The following PLXDC2 variants were observed in gnomAD, a reference collection of about 807,000 sequenced individuals.
The protein encoded by PLXDC2 is plexin domain containing 2, also known as plexin domain-containing protein 2.
A neutral mutation model predicts 68.9 loss-of-function variants in PLXDC2; 40 were observed. That is an observed-to-expected ratio of 0.58 (90% CI 0.45 to 0.76). The LOEUF (loss-of-function observed/expected upper bound fraction) is 0.76. Ranked by LOEUF, PLXDC2 falls within the 30% of genes least tolerant of loss-of-function variation. The pLI is 0.00. For missense variants in PLXDC2, 644 were observed against 661.9 expected, an observed-to-expected ratio of 0.97 and a Z score of 0.30; for synonymous variants, 243 against 234.2, an observed-to-expected ratio of 1.04 and a Z score of -0.34.
At chr10:19,865,320 T>G (rs10508599) in intron 1 of PLXDC2, among the ~76,000 whole-genome samples, 44,409 of 152,102 alleles carry the variant, frequency 0.29, 6,712 homozygotes, top group Middle Eastern at 0.48. Flanking sequence ...CATATTGAGC[T>G]TAAGAGTTCA....
intron 6 of PLXDC2, among the ~76,000 whole-genome samples, chr10:20,160,368 C>G (rs1422642307): frequency 1.3e-5 from 2 of 152,096 alleles, no homozygotes; most frequent in African/African-American, 2.4e-5. Context: ...TAAAGCATAA[C>G]TCTTGACTAC....
At chr10:19,938,211 G>A (rs1305198836) in intron 1 of PLXDC2, among the ~76,000 whole-genome samples, 1 of 152,142 alleles carries the variant, frequency 6.6e-6, no homozygotes, top group Non-Finnish European at 1.5e-5. Flanking sequence ...TCAAGCATAA[G>A]CATTCAGTGG....
intron 3 of PLXDC2, among the ~76,000 whole-genome samples, chr10:20,050,048 A>G (rs1835864767): frequency 6.6e-6 from 1 of 152,154 alleles, no homozygotes; most frequent in Non-Finnish European, 1.5e-5. Flanking sequence ...GAGCCCAGAA[A>G]TAAGGCCACA....
chr10:20,061,003 G>T (rs1347199316), intron 3 of PLXDC2, among the ~76,000 whole-genome samples: 5 of 151,952 alleles, frequency 3.3e-5, no homozygotes, highest in Non-Finnish European at 7.4e-5. Context: ...GTAAAATTTT[G>T]TTTTGAAATA....
At chr10:19,847,379 G>A (rs1837027780) in intron 1 of PLXDC2, among the ~76,000 whole-genome samples, 1 of 152,206 alleles carries the variant, frequency 6.6e-6, no homozygotes, top group Non-Finnish European at 1.5e-5. Context: ...ACTTTGGTTT[G>A]TGCAGGTCTG....
At chr10:20,093,575 A>G (rs1015340952) in intron 4 of PLXDC2, among the ~76,000 whole-genome samples, 3 of 152,194 alleles carry the variant, frequency 2.0e-5, no homozygotes, top group African/African-American at 7.2e-5. Context: ...AAGGAAATAA[A>G]GAACAATATT....
At chr10:19,904,423 C>G (rs1838207995) in intron 1 of PLXDC2, among the ~76,000 whole-genome samples, 1 of 152,030 alleles carries the variant, frequency 6.6e-6, no homozygotes, top group Admixed American at 6.6e-5. Flanking sequence ...CAGGCCTCAC[C>G]CCACTCCCAC....
chr10:20,143,720 A>T (rs1834036838), intron 5 of PLXDC2, among the ~76,000 whole-genome samples: 1 of 152,058 alleles, frequency 6.6e-6, no homozygotes, highest in Non-Finnish European at 1.5e-5. Flanking sequence ...CAATTTTCCC[A>T]TCAGAAAAAA....
chr10:20,161,299 A>G lies in PLXDC2; in HGVS notation c.784-3169A>G, dbSNP rs1326473196. ...GGACTGGCTGGGAGCTGGCTAGGCA[A>G]GGATAACTTTTGGTGCAAAAAAATA... On this transcript the variant is annotated intron_variant, in intron 6 of 13. Coordinates refer to ENST00000377252, the MANE Select transcript of PLXDC2 (RefSeq NM_032812.9). Among the ~76,000 whole-genome samples, 3 of 151,018 alleles carry G rather than the reference A, an allele frequency of 2.0e-5. No individual in the cohort carries two copies. In the Admixed American group the frequency reaches 2.0e-4, roughly 10 times the overall value.
chr10:19,975,296 A>G (rs1170498088), intron 1 of PLXDC2, among the ~76,000 whole-genome samples: 2 of 151,974 alleles, frequency 1.3e-5, no homozygotes, highest in African/African-American at 2.4e-5. Context: ...CTACTAAAAA[A>G]AAATACAAAA....
chr10:20,115,335 C>G (rs1191075548), intron 4 of PLXDC2, among the ~76,000 whole-genome samples: 2 of 152,146 alleles, frequency 1.3e-5, no homozygotes, highest in African/African-American at 4.8e-5. Context: ...GTGTGGGGCA[C>G]CTAAGCTGAC....
rs1333451289 is a variant in PLXDC2, at chr10:19,940,131, A to G, written c.113-61644A>G. 2.6e-5 allele frequency among the ~76,000 whole-genome samples: 4 copies of G among 151,898 alleles called. No individual in the cohort carries two copies. The South Asian group carries it at 6.2e-4, about 24-fold the overall frequency. On this transcript the variant is annotated intron_variant, in intron 1 of 13. Transcript: ENST00000377252. ...GAGGGTCTTATCATTGGGCAAATTC[A>G]TGTGCTGGAAATGGAAGGTAGAGAA...
intron 1 of PLXDC2, among the ~76,000 whole-genome samples, chr10:19,865,095 T>A (rs1419097039): frequency 6.6e-6 from 1 of 152,198 alleles, no homozygotes; most frequent in Admixed American, 6.5e-5. Context: ...CTTCTTTAGT[T>A]GTTTTAACAG....
At chr10:19,830,964 C>G (rs1836678839) in intron 1 of PLXDC2, among the ~76,000 whole-genome samples, 1 of 151,158 alleles carries the variant, frequency 6.6e-6, no homozygotes, top group Non-Finnish European at 1.5e-5. Context: ...AAATTGTAAG[C>G]TCTATGAGGG....
chr10:19,886,031 G>A (rs1333222563), intron 1 of PLXDC2, among the ~76,000 whole-genome samples: 1 of 152,056 alleles, frequency 6.6e-6, no homozygotes, highest in Admixed American at 6.6e-5. Flanking sequence ...TTATTTCATT[G>A]AGGATTGGTT....
At chr10:20,039,798 C>A (rs1435857200) in intron 2 of PLXDC2, among the ~76,000 whole-genome samples, 1 of 152,112 alleles carries the variant, frequency 6.6e-6, no homozygotes, top group Non-Finnish European at 1.5e-5. Flanking sequence ...ATTCCATCAT[C>A]CAGAATTAAC....
At chr10:20,013,104 G>C (rs1835145954) in intron 2 of PLXDC2, among the ~76,000 whole-genome samples, 1 of 152,138 alleles carries the variant, frequency 6.6e-6, no homozygotes. Context: ...AAAGAACAAA[G>C]CTATATAAAT....
At chr10:19,889,381 G>A (rs1054076625) in intron 1 of PLXDC2, among the ~76,000 whole-genome samples, 8 of 152,016 alleles carry the variant, frequency 5.3e-5, no homozygotes, top group African/African-American at 1.9e-4. Context: ...AACTACACTG[G>A]AATGCAAATC....
intron 2 of PLXDC2, among the ~76,000 whole-genome samples, chr10:20,014,620 G>A (rs1835178792): frequency 6.6e-6 from 1 of 152,048 alleles, no homozygotes; most frequent in South Asian, 2.1e-4. Context: ...TGCCGTGAGA[G>A]TCAAAATGTT....
Sources: allele counts gnomAD v4.1 joint callset (sites outside exome capture counted in the v4.1 genomes callset), GRCh38; gene constraint gnomAD v4.1.1; transcripts MANE v1.5; gene names NCBI Gene and HGNC (gene_info 2026-07-23, HGNC 2026-07-21).